Variants in CREB1 observed in about 807,000 individuals in gnomAD.
CREB1 encodes the protein cAMP responsive element binding protein 1.
Under a neutral mutation model 42.0 loss-of-function variants are expected in CREB1, and 2 were observed. The ratio of observed to expected loss-of-function variants is 0.05; its 90% CI spans 0.02 to 0.15. CREB1 has a LOEUF of 0.15. Ranked by LOEUF, CREB1 falls within the 10% of genes least tolerant of loss-of-function variation. CREB1 has a pLI of 1.00. For missense variants in CREB1, 199 were observed against 388.9 expected, an observed-to-expected ratio of 0.51 and a Z score of 4.11; for synonymous variants, 123 against 139.9, an observed-to-expected ratio of 0.88 and a Z score of 0.85.
intron 1 of CREB1, among the ~76,000 whole-genome samples, chr2:207,551,323 A>G (rs2081494547): frequency 1.3e-5 from 2 of 152,288 alleles, no homozygotes; most frequent in South Asian, 2.1e-4. Flanking sequence ...GCCCTTTACT[A>G]TTGGGAAATC....
At chr2:207,567,690 GTTAT>G (rs2082191317) in intron 4 of CREB1, 127 bp downstream of exon 4, 1 of 537,898 alleles carries the variant, frequency 1.9e-6, no homozygotes, top group African/African-American at 1.9e-5. Context: ...TTCATCTTGA[GTTAT>G]TTGTCTCAAA....
chr2:207,543,494 T>G (rs2081176689), intron 1 of CREB1, among the ~76,000 whole-genome samples: 1 of 152,204 alleles, frequency 6.6e-6, no homozygotes, highest in Non-Finnish European at 1.5e-5. Context: ...AAGTGATGTG[T>G]GTAGAAACTC....
chr2:207,604,210 A>G lies in CREB1; in HGVS notation c.*7152A>G, dbSNP rs1401521776. 6.6e-6 allele frequency among the ~76,000 whole-genome samples: 1 copy of G among 152,224 alleles called. No homozygotes were observed. The highest frequency in any genetic ancestry group is 1.9e-4 in the East Asian group (1 of 5,196). On this transcript the variant is annotated 3_prime_UTR_variant, in exon 8 of 8. Coordinates refer to ENST00000353267, the MANE Select transcript of CREB1 (RefSeq NM_004379.5). ...CATTTGACCAGGCACTGAAGTGACA[A>G]GACCATCCTTGAGAAGTCACATCCA...
At chr2:207,534,955 C>A (rs766308380) in intron 1 of CREB1, among the ~76,000 whole-genome samples, 20 of 152,114 alleles carry the variant, frequency 1.3e-4, no homozygotes, top group Non-Finnish European at 1.9e-4. Context: ...CTTAATATGG[C>A]TTAGCAATTT....
At chr2:207,560,828 G>T (rs564561703) in intron 3 of CREB1, among the ~76,000 whole-genome samples, 49 of 152,116 alleles carry the variant, frequency 3.2e-4, no homozygotes, top group Non-Finnish European at 5.6e-4. Flanking sequence ...CTGTGCTTAG[G>T]GTTTTCAGTT....
intron 7 of CREB1, among the ~76,000 whole-genome samples, chr2:207,585,226 T>A (rs1462410238): frequency 6.6e-6 from 1 of 152,198 alleles, no homozygotes; most frequent in Non-Finnish European, 1.5e-5. Flanking sequence ...GCCAACCTGA[T>A]GTCCCCATCC....
Position 207,576,502 on chromosome 2 carries a change from GGA to G in CREB1, c.689-997_689-996del, listed in dbSNP as rs1574880141. On this transcript the variant is annotated intron_variant, in intron 6 of 7. Coordinates refer to ENST00000353267, the MANE Select transcript of CREB1 (RefSeq NM_004379.5). The stretch of plus-strand genomic sequence containing the variant: ...ATTGAATAATCCTGAAACACCAACT[GGA>G]GAGAGTCATAACTTATTTAAAGAGC... 1.3e-5 allele frequency: 3 copies of G among 238,818 alleles called. No homozygotes were observed. In the East Asian group the frequency reaches 3.8e-4, roughly 30 times the overall value. The allele number at this position is 238,818 out of a possible 1,614,324, so 14.8% of individuals were successfully genotyped here. A position where few individuals can be genotyped will look rare whatever the true frequency, so the allele number is the denominator to read the frequency against.
chr2:207,580,145 G>A (rs1393344965), intron 7 of CREB1, among the ~76,000 whole-genome samples: 2 of 152,212 alleles, frequency 1.3e-5, no homozygotes, highest in African/African-American at 2.4e-5. Flanking sequence ...TAGAGGAGGA[G>A]AAGGTAAATA....
chr2:207,564,526 T>TA (rs900640053), intron 3 of CREB1, among the ~76,000 whole-genome samples: 17 of 149,152 alleles, frequency 1.1e-4, no homozygotes, highest in Admixed American at 4.0e-4. Flanking sequence ...AAAAAAATCT[T>TA]AAAAAAAAAA....
rs2080519793 is a variant in CREB1, at chr2:207,530,003, G to C, written c.-140G>C. The C allele has an allele frequency of 6.4e-6, 1 of 155,804 alleles. No homozygotes were observed. The highest frequency in any genetic ancestry group is 1.9e-4 in the East Asian group (1 of 5,296). The allele number at this position is 155,804 out of a possible 1,614,324, so 9.7% of individuals were successfully genotyped here. On this transcript the variant is annotated 5_prime_UTR_variant, in exon 1 of 8. Coordinates refer to ENST00000353267, the MANE Select transcript of CREB1 (RefSeq NM_004379.5). The stretch of plus-strand genomic sequence containing the variant: ...TGCTGCCTGTGGCCCGGGCGGCTGG[G>C]AGAAGCGGAGTGTTGGTGAGTGACG...
At chr2:207,558,021 CT>C (rs1373260115) in intron 2 of CREB1, among the ~76,000 whole-genome samples, 1 of 152,136 alleles carries the variant, frequency 6.6e-6, no homozygotes, top group African/African-American at 2.4e-5. Context: ...GATTGGGTTC[CT>C]GTTAGAGTTG....
At chr2:207,593,207 C>T (rs2085420954) in intron 7 of CREB1, among the ~76,000 whole-genome samples, 1 of 152,132 alleles carries the variant, frequency 6.6e-6, no homozygotes, top group Non-Finnish European at 1.5e-5. Flanking sequence ...CCTATTAGAG[C>T]CTTTAACATG....
At chr2:207,566,248 G>C (rs1046315488) in intron 3 of CREB1, among the ~76,000 whole-genome samples, 5 of 152,168 alleles carry the variant, frequency 3.3e-5, no homozygotes, top group Non-Finnish European at 7.3e-5. Context: ...GTTAGGCTCA[G>C]ACCACACATA....
intron 2 of CREB1, among the ~76,000 whole-genome samples, chr2:207,556,963 C>G (rs1007648813): frequency 2.6e-5 from 4 of 152,056 alleles, no homozygotes; most frequent in African/African-American, 9.7e-5. Flanking sequence ...ATGGTGAAAC[C>G]CCATCTCTAC....
chr2:207,562,317 A>C (rs971910726), intron 3 of CREB1, among the ~76,000 whole-genome samples: 4 of 152,214 alleles, frequency 2.6e-5, no homozygotes, highest in African/African-American at 9.6e-5. Flanking sequence ...TCTATAAAGA[A>C]CACAAAAATT....
At chr2:207,595,055 G>A (rs1459709624) in intron 7 of CREB1, among the ~76,000 whole-genome samples, 2 of 149,522 alleles carry the variant, frequency 1.3e-5, no homozygotes, top group Non-Finnish European at 3.0e-5. Flanking sequence ...GAGTGCCGTG[G>A]TGCAATCTCG....
In CREB1 at chr2:207,575,690, T is replaced by C. The variant is rs113566574; in HGVS notation, c.688+236T>C. 6.8e-3 allele frequency among the ~76,000 whole-genome samples: 1,039 copies of C among 152,208 alleles called. 13 individuals are homozygous for C. The highest frequency in any genetic ancestry group is 0.023 in the African/African-American group (953 of 41,518). On this transcript the variant is annotated intron_variant, in intron 6 of 7. Coordinates refer to ENST00000353267, the MANE Select transcript of CREB1 (RefSeq NM_004379.5). Reference sequence around the variant, plus strand: ...ATATTGCATCTACCTTTAACATCTTTTGGGGTAGAAGAAACAGGATAGGTT... The same window carrying C: ...ATATTGCATCTACCTTTAACATCTTCTGGGGTAGAAGAAACAGGATAGGTT...
At chr2:207,557,351 A>G (rs2106463758) in intron 2 of CREB1, among the ~76,000 whole-genome samples, 1 of 152,258 alleles carries the variant, frequency 6.6e-6, no homozygotes, top group African/African-American at 2.4e-5. Context: ...TTTTATGAGA[A>G]AGAAAGGTTG....
rs556093832 is a variant in CREB1 at position 207,559,363 on chromosome 2, A to G, written c.115-863A>G. ...GGGTAGAGTAATTCTCAGTGTGTCC[A>G]TTTTTCTTTTAGCAAACCTCATTAC... On this transcript the variant is annotated intron_variant, in intron 2 of 7. Transcript: ENST00000353267. 2.2e-5 allele frequency: 19 copies of G among 882,984 alleles called. No homozygotes were observed. In the South Asian group the frequency reaches 8.9e-4, roughly 41 times the overall value. The allele number at this position is 882,984 out of a possible 1,614,324, so 54.7% of individuals were successfully genotyped here.
Sources: allele counts gnomAD v4.1 joint callset (sites outside exome capture counted in the v4.1 genomes callset), GRCh38; gene constraint gnomAD v4.1.1; transcripts MANE v1.5; gene names NCBI Gene and HGNC (gene_info 2026-07-23, HGNC 2026-07-21).